TRIQK: variants seen among roughly 807,000 people sequenced by gnomAD.
TRIQK encodes the protein triple QxxK/R motif containing, also known as triple QxxK/R motif-containing protein.
In TRIQK, 10 loss-of-function variants were observed where a neutral mutation model predicts 10.8. The ratio of observed to expected loss-of-function variants is 0.92; its 90% CI spans 0.57 to 1.57. TRIQK has a LOEUF of 1.57. TRIQK is among the 40% of genes most tolerant of loss of function. The probability of loss-of-function intolerance (pLI) is 0.00; values close to 1 mark genes in which losing one functional copy is unlikely to be tolerated. For missense variants in TRIQK, 107 were observed against 97.7 expected (o/e 1.09, Z -0.40); for synonymous variants, 33 against 33.7 (o/e 0.98, Z 0.07).
intron 1 of TRIQK, among the ~76,000 whole-genome samples, chr8:93,007,961 T>C (rs1344203408): frequency 6.6e-6 from 1 of 152,070 alleles, no homozygotes; most frequent in East Asian, 1.9e-4. Flanking sequence ...CATACGGCCA[T>C]AAAAAGAAAC....
At chr8:92,952,279 T>C (rs1811950107) in intron 2 of TRIQK, among the ~76,000 whole-genome samples, 1 of 151,950 alleles carries the variant, frequency 6.6e-6, no homozygotes, top group South Asian at 2.1e-4. Context: ...CCAAAAGAAA[T>C]GCTAGTGATC....
intron 3 of TRIQK, among the ~76,000 whole-genome samples, chr8:92,896,872 A>G (rs1359525701): frequency 6.6e-6 from 1 of 150,496 alleles, no homozygotes; most frequent in Non-Finnish European, 1.5e-5. Context: ...GCTGGAGTGC[A>G]ATGGCATGAT....
chr8:92,975,306 G>A (rs528707483), intron 1 of TRIQK, among the ~76,000 whole-genome samples: 6 of 152,324 alleles, frequency 3.9e-5, no homozygotes, highest in African/African-American at 1.2e-4. Flanking sequence ...AGAAATCTCC[G>A]AGGAAGCCAC....
intron 1 of TRIQK, among the ~76,000 whole-genome samples, chr8:93,005,927 A>T (rs559155215): frequency 6.6e-6 from 1 of 152,180 alleles, no homozygotes; most frequent in South Asian, 2.1e-4. Context: ...CCACCAAAAA[A>T]CTGTTACATC....
At chr8:92,993,001 C>T (rs2130751300) in intron 1 of TRIQK, among the ~76,000 whole-genome samples, 1 of 152,260 alleles carries the variant, frequency 6.6e-6, no homozygotes. Context: ...CTTTCATACA[C>T]TCCAATCAAA....
chr8:92,970,702 T>A (rs1423098098), upstream of TRIQK, among the ~76,000 whole-genome samples: 1 of 152,184 alleles, frequency 6.6e-6, no homozygotes, highest in Admixed American at 6.5e-5. Context: ...ATATTAGACC[T>A]TTGTCAGATG....
intron 1 of TRIQK, among the ~76,000 whole-genome samples, chr8:93,016,575 A>T (rs1813385864): frequency 6.6e-6 from 1 of 152,280 alleles, no homozygotes; most frequent in South Asian, 2.1e-4. Flanking sequence ...ACTCAAATGT[A>T]TAAAACCTTT....
intron 2 of TRIQK, among the ~76,000 whole-genome samples, chr8:92,939,502 G>A (rs559215812): frequency 4.4e-4 from 67 of 152,188 alleles, no homozygotes; most frequent in African/African-American, 1.5e-3. Context: ...TATCAGAGAA[G>A]GAAAGAAGCC....
In TRIQK at chr8:93,017,110, GGAGAGAGAGAGAGAGAGAGA is replaced by G. The variant is rs3062508; in HGVS notation, c.-181+479_-181+498del. Among the ~76,000 whole-genome samples the G allele has an allele frequency of 5.1e-3, 476 of 93,384 alleles. 9 individuals carry two copies. The highest frequency in any genetic ancestry group is 0.028 in the Middle Eastern group (4 of 142). The allele number at this position is 93,384 out of a possible 152,430, so 61.3% of individuals were successfully genotyped here. ...CACAAATGTAGCAATATATATACTT[GGAGAGAGAGAGAGAGAGAGA>G]GAGAGAGAGAGAGAGAGAGAGAGAG... On this transcript the variant is annotated intron_variant, in intron 1 of 4. Transcript: ENST00000520686.
upstream of TRIQK, among the ~76,000 whole-genome samples, chr8:92,968,658 T>G (rs192361220): frequency 2.6e-3 from 389 of 152,342 alleles, 3 homozygotes; most frequent in East Asian, 0.037. Flanking sequence ...GTTTGTTTTT[T>G]TCTTGTAAAT....
At chr8:92,947,819 G>C (rs1227683948) in intron 2 of TRIQK, among the ~76,000 whole-genome samples, 1 of 152,072 alleles carries the variant, frequency 6.6e-6, no homozygotes, top group African/African-American at 2.4e-5. Context: ...TATACTGGTT[G>C]CATCTAACGT....
At chr8:92,968,276 C>A (rs534134435), upstream of TRIQK, among the ~76,000 whole-genome samples, 1 of 152,228 alleles carries the variant, frequency 6.6e-6, no homozygotes, top group Non-Finnish European at 1.5e-5. Flanking sequence ...TGGCATGTGT[C>A]TTTATAGTAG....
chr8:92,990,480 G>T (rs1297163194), intron 1 of TRIQK, among the ~76,000 whole-genome samples: 3 of 151,756 alleles, frequency 2.0e-5, no homozygotes, highest in African/African-American at 4.8e-5. Flanking sequence ...CCAATAGGAA[G>T]AGCTCCGGTC....
intron 1 of TRIQK, among the ~76,000 whole-genome samples, chr8:93,010,682 G>A (rs938020267): frequency 4.6e-5 from 7 of 151,662 alleles, no homozygotes; most frequent in East Asian, 1.9e-4. Context: ...TTTATAGAAC[G>A]GCATATACAG....
intron 2 of TRIQK, among the ~76,000 whole-genome samples, chr8:92,930,039 A>G (rs896703682): frequency 1.3e-5 from 2 of 151,784 alleles, no homozygotes; most frequent in African/African-American, 4.8e-5. Context: ...CCTAGAACTT[A>G]CAGTATAATA....
intron 2 of TRIQK, among the ~76,000 whole-genome samples, chr8:92,948,934 C>T (rs960060791): frequency 6.6e-6 from 1 of 152,192 alleles, no homozygotes; most frequent in Non-Finnish European, 1.5e-5. Flanking sequence ...CATGTGTAAA[C>T]AGACTGCAAC....
intron 2 of TRIQK, among the ~76,000 whole-genome samples, chr8:92,949,782 A>AAGG (rs1272579300): frequency 6.9e-5 from 5 of 72,044 alleles, no homozygotes; most frequent in African/African-American, 2.6e-4. Context: ...GAAAGAAAGA[A>AAGG]AAAGAAAGAA....
chr8:92,888,646 T>G (rs1352313778), intron 4 of TRIQK, among the ~76,000 whole-genome samples: 12 of 151,518 alleles, frequency 7.9e-5, no homozygotes, highest in Non-Finnish European at 1.6e-4. Context: ...CCTATAGGCA[T>G]TTATGACTCC....
At chr8:92,984,359 T>C (rs56166684) in intron 1 of TRIQK, among the ~76,000 whole-genome samples, 2,327 of 147,916 alleles carry the variant, frequency 0.016, 27 homozygotes, top group Non-Finnish European at 0.022. Flanking sequence ...AACCAGATCC[T>C]ACCATTACAC....
Sources: gnomAD v4.1 joint callset for allele counts (sites outside exome capture counted in the v4.1 genomes callset) on GRCh38, gnomAD v4.1.1 for gene constraint, MANE v1.5 for transcripts, NCBI Gene and HGNC (gene_info 2026-07-23, HGNC 2026-07-21) for gene names.